The following LRRC4C variants were observed in gnomAD, a reference collection of about 807,000 sequenced individuals.
LRRC4C encodes the protein leucine-rich repeat-containing protein 4C.
Under a neutral mutation model 33.6 loss-of-function variants are expected in LRRC4C, and 5 were observed. That is an observed-to-expected ratio of 0.15 (90% confidence interval 0.08 to 0.31). LRRC4C has a LOEUF of 0.31. Among genes scored for constraint, LRRC4C ranks in the 10% least tolerant of loss-of-function variants. LRRC4C has a pLI of 1.00. For synonymous variants in LRRC4C, 329 were observed against 302.0 expected, an observed-to-expected ratio of 1.09 and a Z score of -0.93; for missense variants, 560 against 796.7, an observed-to-expected ratio of 0.70 and a Z score of 3.58.
At chr11:41,343,026 C>A (rs1410597036) in intron 1 of LRRC4C, among the ~76,000 whole-genome samples, 1 of 152,152 alleles carries the variant, frequency 6.6e-6, no homozygotes, top group Non-Finnish European at 1.5e-5. Context: ...CTTCAAATTG[C>A]CCTTTTCTCT....
intron 2 of LRRC4C, among the ~76,000 whole-genome samples, chr11:40,728,518 C>T (rs999662710): frequency 6.7e-6 from 1 of 149,140 alleles, no homozygotes; most frequent in Non-Finnish European, 1.5e-5. Context: ...CCCAGCCTCT[C>T]GGAAGGCTGA....
At chr11:40,866,634 C>T (rs921236082) in intron 2 of LRRC4C, among the ~76,000 whole-genome samples, 1 of 152,084 alleles carries the variant, frequency 6.6e-6, no homozygotes, top group African/African-American at 2.4e-5. Flanking sequence ...GGGAGTCAAG[C>T]CAATTGGGTA....
rs975159577 is a variant in LRRC4C at position 40,992,116 on chromosome 11, T to C, written c.-495-58393A>G. Among the ~76,000 whole-genome samples the C allele has an allele frequency of 5.3e-5, 8 of 152,320 alleles. No individual in the cohort carries two copies. The South Asian group carries it at 1.5e-3, about 28-fold the overall frequency. On this transcript the variant is annotated intron_variant, in intron 1 of 6. Transcript: ENST00000528697. Reference sequence around the variant, plus strand: ...TATCCACAATTAACCGAAAAGGCAATTAAAATGTTGTCCTTCCCTTCAAAT... The same window carrying C: ...TATCCACAATTAACCGAAAAGGCAACTAAAATGTTGTCCTTCCCTTCAAAT...
chr11:40,776,828 T>C (rs1287836595), intron 2 of LRRC4C, among the ~76,000 whole-genome samples: 5 of 152,144 alleles, frequency 3.3e-5, no homozygotes, highest in Non-Finnish European at 5.9e-5. Context: ...AGATAGTTAA[T>C]TTGAGTTATT....
intron 2 of LRRC4C, among the ~76,000 whole-genome samples, chr11:40,862,793 G>T (rs1162422989): frequency 7.2e-5 from 11 of 152,142 alleles, no homozygotes; most frequent in Admixed American, 7.2e-4. Flanking sequence ...GGAACAGTCA[G>T]GGAGAAAAGC....
chr11:41,057,445 T>C (rs113477998), intron 1 of LRRC4C, among the ~76,000 whole-genome samples: 1 of 152,154 alleles, frequency 6.6e-6, no homozygotes, highest in African/African-American at 2.4e-5. Context: ...AGCAGACAGG[T>C]TCCTGGGTGG....
intron 1 of LRRC4C, among the ~76,000 whole-genome samples, chr11:41,273,941 G>T (rs1384266651): frequency 6.6e-6 from 1 of 152,134 alleles, no homozygotes; most frequent in Admixed American, 6.6e-5. Flanking sequence ...AGCAGTTAAG[G>T]AGAAACGGAG....
Position 41,218,924 on chromosome 11 carries a change from C to A in LRRC4C, c.-496+240507G>T, listed in dbSNP as rs577487374. Reference sequence around the variant, plus strand: ...CTGGGACTACAGGCGCCTGCCACCACGCCCGGCTAAATTTTTGTGTGTGTT... The same window carrying A: ...CTGGGACTACAGGCGCCTGCCACCAAGCCCGGCTAAATTTTTGTGTGTGTT... On this transcript the variant is annotated intron_variant, in intron 1 of 6. Transcript: ENST00000528697. 3.9e-5 allele frequency among the ~76,000 whole-genome samples: 6 copies of A among 151,982 alleles called. No homozygotes were observed. The South Asian group carries it at 1.0e-3, about 26-fold the overall frequency.
chr11:40,117,173 T>C (rs1284086904), intron 6 of LRRC4C, among the ~76,000 whole-genome samples: 2 of 152,222 alleles, frequency 1.3e-5, no homozygotes, highest in East Asian at 3.8e-4. Flanking sequence ...AGATGGTCCA[T>C]AAAAATGTTG....
chr11:41,435,080 T>G (rs946598681), intron 1 of LRRC4C, among the ~76,000 whole-genome samples: 5 of 152,166 alleles, frequency 3.3e-5, no homozygotes, highest in African/African-American at 1.2e-4. Flanking sequence ...TGAGTGAGAA[T>G]TAAAAGTCCA....
intron 5 of LRRC4C, among the ~76,000 whole-genome samples, chr11:40,174,112 G>A (rs1860273226): frequency 1.3e-5 from 2 of 152,110 alleles, no homozygotes; most frequent in South Asian, 2.1e-4. Flanking sequence ...AAGAGATAAT[G>A]CATGCATGGT....
chr11:41,151,943 T>C (rs1944018499), intron 1 of LRRC4C, among the ~76,000 whole-genome samples: 1 of 152,226 alleles, frequency 6.6e-6, no homozygotes, highest in East Asian at 1.9e-4. Flanking sequence ...TGAATTCTCA[T>C]AGTGCATTTT....
At position 41,134,685 on chromosome 11, in the gene LRRC4C, G is replaced by T. The variant is rs531342306; in HGVS notation, c.-495-200962C>A. ...AGAGGAGGATCCTCTTTTTATAAAA[G>T]ACCAGCCATTGGATGAAGTGCCCAC... is the stretch of plus-strand genomic sequence containing the variant. On this transcript the variant is annotated intron_variant, in intron 1 of 6. Transcript: ENST00000528697. Among the ~76,000 whole-genome samples, 11 of 152,210 alleles carry T rather than the reference G, an allele frequency of 7.2e-5. No individual in the cohort carries two copies. The South Asian group carries it at 2.3e-3, about 32-fold the overall frequency.
At chr11:40,791,841 GT>G (rs1488359337) in intron 2 of LRRC4C, among the ~76,000 whole-genome samples, 1 of 152,076 alleles carries the variant, frequency 6.6e-6, no homozygotes, top group Non-Finnish European at 1.5e-5. Context: ...TCTCTTATTT[GT>G]TTTTTAGAAT....
chr11:41,069,136 A>C (rs1938489374), intron 1 of LRRC4C, among the ~76,000 whole-genome samples: 1 of 152,230 alleles, frequency 6.6e-6, no homozygotes, highest in African/African-American at 2.4e-5. Flanking sequence ...AATAAATGTA[A>C]TCCACCACAT....
At position 40,637,132 on chromosome 11, in the gene LRRC4C, C is replaced by A. The variant is rs1941799571; in HGVS notation, c.-270+11010G>T. ...AACTCTAGGAACATTTTAAAAGTGCCTTTTGGCAAAACCAAGTTTTATACC... is the reference window on the plus strand; with the variant it reads ...AACTCTAGGAACATTTTAAAAGTGCATTTTGGCAAAACCAAGTTTTATACC... On this transcript the variant is annotated intron_variant, in intron 3 of 6. Coordinates refer to ENST00000528697, the MANE Select transcript of LRRC4C (RefSeq NM_001258419.2). Among the ~76,000 whole-genome samples, 3 of 152,170 alleles carry A rather than the reference C, an allele frequency of 2.0e-5. No homozygotes were observed. In the South Asian group the frequency reaches 6.2e-4, roughly 32 times the overall value.
At chr11:41,309,743 C>T (rs372159765) in intron 1 of LRRC4C, among the ~76,000 whole-genome samples, 7 of 152,188 alleles carry the variant, frequency 4.6e-5, no homozygotes, top group Admixed American at 6.5e-5. Context: ...CTCAATTCCA[C>T]GCTGAGCTCT....
Position 40,188,711 on chromosome 11 carries a change from A to AAC in LRRC4C, c.-95-47860_-95-47859dup, listed in dbSNP as rs959074120. On this transcript the variant is annotated intron_variant, in intron 5 of 6. Transcript: ENST00000528697. The stretch of plus-strand genomic sequence containing the variant: ...CCGAATAGGGGGAAAATATTATACA[A>AAC]ACACACACACACATGCACACACACA... Among the ~76,000 whole-genome samples the AAC allele has an allele frequency of 1.1e-4, 16 of 152,060 alleles. No homozygotes were observed. In the South Asian group the frequency reaches 3.1e-3, roughly 30 times the overall value.
At chr11:40,820,094 C>T (rs1329600235) in intron 2 of LRRC4C, among the ~76,000 whole-genome samples, 2 of 151,574 alleles carry the variant, frequency 1.3e-5, no homozygotes, top group Non-Finnish European at 1.5e-5. Context: ...TGATTTTCAA[C>T]AAAAAGGTAT....
Sources: allele counts gnomAD v4.1 joint callset (sites outside exome capture counted in the v4.1 genomes callset), GRCh38; gene constraint gnomAD v4.1.1; transcripts MANE v1.5; gene names NCBI Gene and HGNC (gene_info 2026-07-23, HGNC 2026-07-21).